The following ERC2 variants were observed in gnomAD, a reference collection of about 807,000 sequenced individuals.
ERC2 encodes the protein ELKS/RAB6-interacting/CAST family member 2.
In ERC2, 42 loss-of-function variants were observed where a neutral mutation model predicts 114.8. The observed-to-expected ratio is 0.37, with a 90% CI of 0.29 to 0.47. The LOEUF (loss-of-function observed/expected upper bound fraction) is 0.47, where lower values mean the gene tolerates loss of function less well. Among genes scored for constraint, ERC2 ranks in the 20% least tolerant of loss-of-function variants. The pLI is 0.99. For synonymous variants in ERC2, 454 were observed against 425.5 expected (o/e 1.07, Z -0.82); for missense variants, 939 against 1,150.7 (o/e 0.82, Z 2.66).
chr3:56,296,550 C>A (rs555007601), intron 2 of ERC2, 115 bp from the exon 3 acceptor site: 32 of 1,140,314 alleles, frequency 2.8e-5, no homozygotes, highest in Non-Finnish European at 3.4e-5. Context: ...TCATGAGGTC[C>A]GGAGGGCCAG....
chr3:55,696,863 C>T (rs1309916849), intron 16 of ERC2, among the ~76,000 whole-genome samples: 3 of 152,190 alleles, frequency 2.0e-5, no homozygotes, highest in Non-Finnish European at 4.4e-5. Context: ...GGGTTCCTTG[C>T]TTAATCTCTC....
At chr3:55,567,553 G>A (rs1477083277) in intron 17 of ERC2, among the ~76,000 whole-genome samples, 1 of 152,126 alleles carries the variant, frequency 6.6e-6, no homozygotes, top group Non-Finnish European at 1.5e-5. Context: ...GTGGAAGCAG[G>A]ACTCAGCTGG....
rs1038617856 is a variant in ERC2 at position 56,003,155 on chromosome 3, G to A, written c.2061+4026C>T. 7 of 1,286,628 alleles carry A rather than the reference G, an allele frequency of 5.4e-6. No homozygotes were observed. In the Admixed American group the frequency reaches 1.2e-4, roughly 21 times the overall value. The allele number at this position is 1,286,628 out of a possible 1,614,324, so 79.7% of individuals were successfully genotyped here. A position where few individuals can be genotyped will look rare whatever the true frequency, so the allele number is the denominator to read the frequency against. ...GCTTGCTACATTGCAAAGTTGGGGA[G>A]GCATTGAGGCACAGACAGGGAAAGA... On this transcript the variant is annotated intron_variant, in intron 10 of 17. Transcript: ENST00000288221.
At chr3:55,518,613 A>G (rs1199418533) in intron 17 of ERC2, among the ~76,000 whole-genome samples, 1 of 152,232 alleles carries the variant, frequency 6.6e-6, no homozygotes, top group African/African-American at 2.4e-5. Context: ...CGTGTTTGGC[A>G]TTAATGCAAA....
chr3:55,656,287 C>T (rs1292137741), intron 17 of ERC2, among the ~76,000 whole-genome samples: 1 of 152,074 alleles, frequency 6.6e-6, no homozygotes, highest in Non-Finnish European at 1.5e-5. Flanking sequence ...TACAGGAGTA[C>T]ACCCCCACTT....
intron 14 of ERC2, among the ~76,000 whole-genome samples, chr3:55,866,447 G>A (rs1393760449): frequency 6.6e-6 from 1 of 152,026 alleles, no homozygotes; most frequent in Non-Finnish European, 1.5e-5. Context: ...ATCGTTTGTA[G>A]CACAAAAGTT....
intron 2 of ERC2, among the ~76,000 whole-genome samples, chr3:56,421,555 G>A (rs561784994): frequency 1.3e-5 from 2 of 152,334 alleles, no homozygotes; most frequent in South Asian, 4.1e-4. Flanking sequence ...TGTCCCTGGT[G>A]AGCACTTGAA....
intron 7 of ERC2, among the ~76,000 whole-genome samples, chr3:56,055,927 G>A (rs2075993586): frequency 6.6e-6 from 1 of 152,202 alleles, no homozygotes; most frequent in Non-Finnish European, 1.5e-5. Context: ...AATTTGATAG[G>A]AGTGTGGAAG....
At chr3:55,605,212 C>G (rs577566395) in intron 17 of ERC2, among the ~76,000 whole-genome samples, 1 of 151,880 alleles carries the variant, frequency 6.6e-6, no homozygotes, top group African/African-American at 2.4e-5. Flanking sequence ...AACTTCTGGG[C>G]TCAAGGGATC....
Position 55,798,401 on chromosome 3 carries a change from A to G in ERC2, c.2565-63483T>C, listed in dbSNP as rs144167209. On this transcript the variant is annotated intron_variant, in intron 14 of 17. Transcript: ENST00000288221. ...ATCACGAGGTCAGGAGATCGAGACC[A>G]TCCTGGCTAACATGGTGAAACCCCG... 1.9e-3 allele frequency among the ~76,000 whole-genome samples: 293 copies of G among 152,220 alleles called. 1 individual carries two copies. Among genetic ancestry groups the G allele is most frequent in the African/African-American group, 6.6e-3 (273 of 41,530 alleles).
intron 15 of ERC2, among the ~76,000 whole-genome samples, chr3:55,730,363 G>C (rs550574295): frequency 2.0e-5 from 3 of 152,310 alleles, no homozygotes; most frequent in African/African-American, 7.2e-5. Context: ...GGCAGAGTAG[G>C]TAGGCAATAA....
At chr3:56,260,385 C>T (rs144712472) in intron 3 of ERC2, among the ~76,000 whole-genome samples, 3 of 152,284 alleles carry the variant, frequency 2.0e-5, no homozygotes, top group Admixed American at 1.3e-4. Context: ...GAGATGTCGC[C>T]AAGGGCCCTT....
At chr3:56,050,682 A>G (rs569826814) in intron 7 of ERC2, among the ~76,000 whole-genome samples, 5 of 152,054 alleles carry the variant, frequency 3.3e-5, no homozygotes, top group Non-Finnish European at 7.4e-5. Context: ...TATTCTCTCA[A>G]CACCTGTACT....
intron 7 of ERC2, among the ~76,000 whole-genome samples, chr3:56,063,582 T>C (rs886311694): frequency 6.6e-6 from 1 of 152,182 alleles, no homozygotes; most frequent in African/African-American, 2.4e-5. Flanking sequence ...GGTGAGCTTA[T>C]CCTCATTTTA....
At chr3:56,244,639 A>G (rs900712868) in intron 3 of ERC2, among the ~76,000 whole-genome samples, 43 of 152,208 alleles carry the variant, frequency 2.8e-4, no homozygotes, top group Non-Finnish European at 1.5e-5. Context: ...AAATTAACAG[A>G]AAAAAGTTCA....
chr3:56,408,830 C>T (rs1186101501), intron 2 of ERC2, among the ~76,000 whole-genome samples: 3 of 152,190 alleles, frequency 2.0e-5, no homozygotes, highest in Admixed American at 1.3e-4. Flanking sequence ...CCCGCTGTCC[C>T]CCAGGAGCAG....
At chr3:55,727,525 G>T (rs1398229442) in intron 15 of ERC2, among the ~76,000 whole-genome samples, 1 of 152,170 alleles carries the variant, frequency 6.6e-6, no homozygotes. Flanking sequence ...ACCATGCTCA[G>T]CCTAGAACTA....
intron 4 of ERC2, among the ~76,000 whole-genome samples, chr3:56,155,843 A>T (rs1383740011): frequency 6.6e-6 from 1 of 152,194 alleles, no homozygotes; most frequent in East Asian, 1.9e-4. Flanking sequence ...AAACAGAATG[A>T]ATACAGAGCA....
chr3:56,092,335 T>C (rs1402884915), intron 6 of ERC2, among the ~76,000 whole-genome samples: 1 of 152,138 alleles, frequency 6.6e-6, no homozygotes, highest in Non-Finnish European at 1.5e-5. Context: ...ATGGGAGAAT[T>C]CATATCACAT....
Sources: allele counts gnomAD v4.1 joint callset (sites outside exome capture counted in the v4.1 genomes callset), GRCh38; gene constraint gnomAD v4.1.1; transcripts MANE v1.5; gene names NCBI Gene and HGNC (gene_info 2026-07-23, HGNC 2026-07-21).